The following DISC1 variants were observed in gnomAD, a reference collection of about 807,000 sequenced individuals.
DISC1 encodes disrupted in schizophrenia 1 protein.
Under a neutral mutation model 84.5 loss-of-function variants are expected in DISC1, and 57 were observed. The ratio of observed to expected loss-of-function variants is 0.67; its 90% CI spans 0.55 to 0.84. The LOEUF is 0.84. Among genes scored for constraint, DISC1 ranks in the 40% least tolerant of loss-of-function variants. The probability of loss-of-function intolerance (pLI) is 0.00; values close to 1 mark genes in which losing one functional copy is unlikely to be tolerated. For missense variants in DISC1, 1,000 were observed against 1,057.8 expected, an observed-to-expected ratio of 0.95 and a Z score of 0.76; for synonymous variants, 411 against 415.2, an observed-to-expected ratio of 0.99 and a Z score of 0.12.
At chr1:231,699,450 CA>C (rs987361378) in intron 2 of DISC1, among the ~76,000 whole-genome samples, 1 of 152,006 alleles carries the variant, frequency 6.6e-6, no homozygotes, top group African/African-American at 2.4e-5. Context: ...AAACAAAAAA[CA>C]AAACAAACCT....
rs976285299 is a variant in DISC1 at position 231,954,798 on chromosome 1, A to G, written c.1982-4030A>G. ...AGTTTAAAATCTAAACTCCCTGTCT[A>G]CAGTCTTGGCCTGTCTTGAAGGTTG... On this transcript the variant is annotated intron_variant, in intron 9 of 12. Transcript: ENST00000439617. This position sits in a 1 kb window ranked among gnomAD's most constrained non-coding sequence, Gnocchi z 4.8. Among the ~76,000 whole-genome samples, 5 of 152,228 alleles carry G rather than the reference A, an allele frequency of 3.3e-5. No individual in the cohort carries two copies. The highest frequency in any genetic ancestry group is 9.6e-5 in the African/African-American group (4 of 41,460).
At chr1:231,929,549 G>A (rs1265220536) in intron 9 of DISC1, among the ~76,000 whole-genome samples, 5 of 152,180 alleles carry the variant, frequency 3.3e-5, no homozygotes, top group East Asian at 3.9e-4. Context: ...GAGCACGGCC[G>A]CAGCTTCAAG....
chr1:231,716,824 A>G (rs982467444), intron 3 of DISC1, among the ~76,000 whole-genome samples: 7 of 152,132 alleles, frequency 4.6e-5, no homozygotes, highest in South Asian at 2.1e-4. Flanking sequence ...TCCTTTGCAT[A>G]ATGGCAACGA....
At chr1:231,717,247 C>T (rs1349123284) in intron 3 of DISC1, among the ~76,000 whole-genome samples, 1 of 152,108 alleles carries the variant, frequency 6.6e-6, no homozygotes. Context: ...AAATAAAAAC[C>T]TTTATGGTAT....
Position 231,694,174 on chromosome 1 carries a change from G to A in DISC1, c.416G>A (p.Gly139Glu). The A allele has an allele frequency of 6.2e-7, 1 of 1,614,206 alleles. No individual in the cohort carries two copies. The highest frequency in any genetic ancestry group is 8.5e-7 in the Non-Finnish European group (1 of 1,180,042). Residue 139 changes from glycine (G) to glutamate (E), a missense_variant, in exon 2 of 13, where the codon GGG becomes GAG. Physicochemically the swap from Gly to Glu is moderately conservative, Grantham distance 98 (BLOSUM62 -2). Transcript: ENST00000439617. ...AGGCTTAGCTGGCCGTGTGGCCCTGGGAGTGCTGGGTGGCAGCAAGAGTTT... is the reference window on the plus strand; with the variant it reads ...AGGCTTAGCTGGCCGTGTGGCCCTGAGAGTGCTGGGTGGCAGCAAGAGTTT... ...PDRLSWPCGP[G>E]SAGWQQEFAA...
rs1670769437 is a variant in DISC1, at chr1:232,041,143, A to AT, written c.*4318dup. The AT allele has an allele frequency of 6.6e-6, 1 of 152,182 alleles. No homozygotes were observed. Among genetic ancestry groups the AT allele is most frequent in the African/African-American group, 2.4e-5 (1 of 41,444 alleles). 9.4% of individuals were successfully genotyped at this position (152,182 alleles called of 1,614,324 possible). A position where few individuals can be genotyped will look rare whatever the true frequency, so the allele number is the denominator to read the frequency against. On this transcript the variant is annotated 3_prime_UTR_variant, in exon 13 of 13. Coordinates refer to ENST00000439617, the MANE Select transcript of DISC1 (RefSeq NM_018662.3). Reference sequence around the variant, plus strand: ...ATCCAAGGCATGGTGCATCTTGATGATTTTTTGTCCTTTGAAGTATGGATG... The same window carrying AT: ...ATCCAAGGCATGGTGCATCTTGATGATTTTTTTGTCCTTTGAAGTATGGATG...
chr1:231,704,759 CAAA>C (rs146300199), intron 3 of DISC1, among the ~76,000 whole-genome samples: 4 of 24,352 alleles, frequency 1.6e-4, no homozygotes, highest in African/African-American at 2.5e-4. Flanking sequence ...GACTCCGTCT[CAAA>C]AAAAAAAAAA....
At chr1:231,724,912 G>C (rs1426908752) in intron 3 of DISC1, among the ~76,000 whole-genome samples, 1 of 152,176 alleles carries the variant, frequency 6.6e-6, no homozygotes, top group Non-Finnish European at 1.5e-5. Flanking sequence ...CATTTAACCA[G>C]GTACTGCTGG....
chr1:232,018,056 G>A (rs1668639801), intron 11 of DISC1, among the ~76,000 whole-genome samples: 1 of 152,102 alleles, frequency 6.6e-6, no homozygotes, highest in South Asian at 2.1e-4. Context: ...TGTTAGGTGT[G>A]GAAGCTTTTC....
intron 3 of DISC1, among the ~76,000 whole-genome samples, chr1:231,709,860 G>A (rs76817138): frequency 1.1e-4 from 16 of 152,130 alleles, no homozygotes; most frequent in Non-Finnish European, 1.2e-4. Flanking sequence ...TGTAGAGTCC[G>A]GTTGATGAAG....
intron 9 of DISC1, among the ~76,000 whole-genome samples, chr1:231,839,603 C>T (rs1401972740): frequency 1.3e-5 from 2 of 152,198 alleles, no homozygotes; most frequent in Non-Finnish European, 2.9e-5. Context: ...GTATCCTCCA[C>T]TGCTCCTGAA....
At chr1:231,639,416 G>A (rs1017263151) in intron 1 of DISC1, among the ~76,000 whole-genome samples, 4 of 152,264 alleles carry the variant, frequency 2.6e-5, no homozygotes, top group African/African-American at 9.6e-5. Flanking sequence ...CACCTCCTGC[G>A]TTCATCATTT....
chr1:231,934,471 G>A (rs1346154279), intron 9 of DISC1, among the ~76,000 whole-genome samples: 1 of 152,188 alleles, frequency 6.6e-6, no homozygotes, highest in African/African-American at 2.4e-5. Flanking sequence ...CTGCGGTTTA[G>A]TGGACACAAC....
chr1:231,923,314 A>G (rs1395886987), intron 9 of DISC1, among the ~76,000 whole-genome samples: 1 of 151,276 alleles, frequency 6.6e-6, no homozygotes, highest in East Asian at 1.9e-4. Context: ...AACCAAAAAA[A>G]AAAACAAAAA....
chr1:231,909,856 C>G (rs1331626218), intron 9 of DISC1, among the ~76,000 whole-genome samples: 2 of 152,120 alleles, frequency 1.3e-5, no homozygotes, highest in African/African-American at 4.8e-5. Flanking sequence ...ATTTCAGAGC[C>G]TGTTATTGGT....
At chr1:231,729,562 A>C (rs1573319935) in intron 3 of DISC1, among the ~76,000 whole-genome samples, 2 of 152,286 alleles carry the variant, frequency 1.3e-5, no homozygotes, top group South Asian at 4.1e-4. Context: ...TTTTATTTGT[A>C]TTGCTGCTCT....
At chr1:231,653,976 G>T (rs930115042) in intron 1 of DISC1, among the ~76,000 whole-genome samples, 1 of 152,238 alleles carries the variant, frequency 6.6e-6, no homozygotes, top group African/African-American at 2.4e-5. Context: ...ATGGAATCCA[G>T]TTGGGTGGGC....
chr1:231,711,590 A>C (rs1329375400), intron 3 of DISC1, among the ~76,000 whole-genome samples: 4 of 151,336 alleles, frequency 2.6e-5, no homozygotes, highest in African/African-American at 9.7e-5. Context: ...GGACAGTCTC[A>C]ATCTCCTGAC....
chr1:231,694,805 G>A lies in DISC1; in HGVS notation c.1047G>A (p.Glu349=), dbSNP rs781065374. ...TGCTGAGAAACCGGAGGCAGATGGA[G>A]GTCAGTGTCTCTTCCACCTCTGTGG... ...DCLLRNRRQM[E]VISLRLKLQK... The change falls in exon 2 of 13, where the codon GAG becomes GAA. Residue 349 remains glutamate, a splice_region_variant and synonymous_variant. Transcript: ENST00000439617. 6.2e-7 allele frequency: 1 copy of A among 1,613,394 alleles called. No individual in the cohort carries two copies. The highest frequency in any genetic ancestry group is 1.7e-5 in the Admixed American group (1 of 59,988).
Sources: allele counts gnomAD v4.1 joint callset (sites outside exome capture counted in the v4.1 genomes callset), GRCh38; gene constraint gnomAD v4.1.1; non-coding constraint Gnocchi (gnomAD v3.1); transcripts MANE v1.5; gene names NCBI Gene and HGNC (gene_info 2026-07-23, HGNC 2026-07-21).